CFAP70: variants seen among roughly 807,000 people sequenced by gnomAD.
CFAP70 encodes the protein cilia and flagella associated protein 70, also known as cilia- and flagella-associated protein 70.
In CFAP70, 81 loss-of-function variants were observed where a neutral mutation model predicts 137.6. The ratio of observed to expected loss-of-function variants is 0.59; its 90% CI spans 0.49 to 0.71. The LOEUF (loss-of-function observed/expected upper bound fraction) is 0.71, where lower values mean the gene tolerates loss of function less well. Among genes scored for constraint, CFAP70 ranks in the 30% least tolerant of loss-of-function variants. The probability of loss-of-function intolerance (pLI) is 0.00; values close to 1 mark genes in which losing one functional copy is unlikely to be tolerated. For synonymous variants in CFAP70, 382 were observed against 423.6 expected, an observed-to-expected ratio of 0.90 and a Z score of 1.20; for missense variants, 976 against 1,226.7, an observed-to-expected ratio of 0.80 and a Z score of 3.05.
intron 12 of CFAP70, among the ~76,000 whole-genome samples, chr10:73,301,200 G>C (rs189080867): frequency 4.3e-4 from 66 of 152,268 alleles, no homozygotes; most frequent in Non-Finnish European, 7.9e-4. Flanking sequence ...ACATAGTTTG[G>C]ATATTTGTCC....
At chr10:73,276,286 T>A (rs2131749593) in intron 21 of CFAP70, 1 of 152,276 alleles carries the variant, frequency 6.6e-6, no homozygotes, top group Non-Finnish European at 1.5e-5. Flanking sequence ...CCTACAAAAT[T>A]AACAAAGTTA....
At chr10:73,349,655 T>C (rs946034488) in intron 3 of CFAP70, among the ~76,000 whole-genome samples, 2 of 151,934 alleles carry the variant, frequency 1.3e-5, no homozygotes, top group Non-Finnish European at 2.9e-5. Context: ...GCATGCAGAG[T>C]ATGTACAAGG....
intron 1 of CFAP70, among the ~76,000 whole-genome samples, chr10:73,356,364 A>G (rs1330956415): frequency 2.0e-5 from 3 of 152,016 alleles, no homozygotes; most frequent in Non-Finnish European, 4.4e-5. Flanking sequence ...ACGCCCAGCT[A>G]ATTTTTGTAT....
chr10:73,329,654 CAACAAT>C (rs994561070), intron 8 of CFAP70, among the ~76,000 whole-genome samples: 1 of 152,030 alleles, frequency 6.6e-6, no homozygotes, highest in Non-Finnish European at 1.5e-5. Flanking sequence ...TTATAAAAAA[CAACAAT>C]AACAATAACA....
rs758381869 is a variant in CFAP70, at chr10:73,322,953, T to C, written c.912+10A>G. On this transcript the variant is annotated intron_variant, in intron 9 of 26. Coordinates refer to ENST00000310715, the Ensembl canonical transcript of CFAP70. ...ATTACCATGATGATTTTTATGCAAT[T>C]TTTTCTTACCTTTTCATGGACTACA... 6.3e-7 allele frequency: 1 copy of C among 1,576,514 alleles called. No homozygotes were observed. Among genetic ancestry groups the C allele is most frequent in the Non-Finnish European group, 8.6e-7 (1 of 1,166,214 alleles).
At chr10:73,362,526 T>TTGTTC (rs2055052486), upstream of CFAP70, among the ~76,000 whole-genome samples, 1 of 152,152 alleles carries the variant, frequency 6.6e-6, no homozygotes, top group African/African-American at 2.4e-5. Flanking sequence ...GGTTTTTGTT[T>TTGTTC]TGTTTTTTGT....
rs759087268 is a variant in CFAP70 at position 73,312,636 on chromosome 10, C to T, written c.920G>A (p.Cys307Tyr). The change falls in exon 10 of 27, where the codon TGT (cysteine) becomes TAT (tyrosine). Residue 307 changes from cysteine to tyrosine, a missense_variant. Physicochemically the swap from Cys to Tyr is radical, Grantham distance 194. Transcript: ENST00000310715. ...AATATCCCGGAACAAGCTCAATAAA[C>T]ATTTGGTCTGAAAAACAAAAAAACA... 2.6e-6 allele frequency: 4 copies of T among 1,561,670 alleles called. No individual in the cohort carries two copies. The highest frequency in any genetic ancestry group is 3.5e-6 in the Non-Finnish European group (4 of 1,159,092).
At chr10:73,361,663 T>G (rs914055492), upstream of CFAP70, among the ~76,000 whole-genome samples, 2 of 152,162 alleles carry the variant, frequency 1.3e-5, no homozygotes, top group Non-Finnish European at 2.9e-5. Flanking sequence ...TAGTCTGAGT[T>G]TCAAAGGCCT....
At chr10:73,303,024 G>A (rs1435387526) in intron 12 of CFAP70, among the ~76,000 whole-genome samples, 1 of 151,140 alleles carries the variant, frequency 6.6e-6, no homozygotes, top group East Asian at 1.9e-4. Context: ...CCACCACCGG[G>A]TAGCTCGGAC....
chr10:73,312,398 T>C (rs920182731), intron 10 of CFAP70, 75 bp downstream of exon 11: 13 of 1,087,152 alleles, frequency 1.2e-5, no homozygotes, highest in Non-Finnish European at 1.4e-5. Flanking sequence ...TTGATACCAG[T>C]CACCAAGTGA....
At chr10:73,254,055 G>A (rs2044213955) in exon 27 of CFAP70, 1 of 1,588,110 alleles carries the variant, frequency 6.3e-7, no homozygotes, top group Admixed American at 1.7e-5. Flanking sequence ...TTCAATTTCA[G>A]CTACATGAAA....
At chr10:73,327,999 T>A (rs1041817825) in intron 8 of CFAP70, among the ~76,000 whole-genome samples, 12 of 152,060 alleles carry the variant, frequency 7.9e-5, no homozygotes, top group Admixed American at 3.9e-4. Context: ...TTTAAAGTTG[T>A]TATGGAACCA....
At chr10:73,290,735 CTA>C (rs1295757156) in intron 19 of CFAP70, among the ~76,000 whole-genome samples, 6 of 151,886 alleles carry the variant, frequency 4.0e-5, no homozygotes, top group African/African-American at 7.3e-5. Flanking sequence ...GAGAGGGACT[CTA>C]TGTGGTAGAG....
chr10:73,255,326 C>T (rs1024878909), intron 26 of CFAP70, among the ~76,000 whole-genome samples: 7 of 151,940 alleles, frequency 4.6e-5, no homozygotes, highest in African/African-American at 1.7e-4. Context: ...ACCCGGGAGG[C>T]GGAGCTTGCA....
chr10:73,325,476 A>G (rs1482558080), intron 8 of CFAP70, among the ~76,000 whole-genome samples: 1 of 152,232 alleles, frequency 6.6e-6, no homozygotes, highest in African/African-American at 2.4e-5. Context: ...GATCAAGTTC[A>G]CACATAACAA....
intron 6 of CFAP70, among the ~76,000 whole-genome samples, chr10:73,339,256 C>A (rs550551245): frequency 2.2e-4 from 33 of 152,258 alleles, no homozygotes; most frequent in African/African-American, 7.9e-4. Flanking sequence ...TGAGCCAGTC[C>A]TTCTGAAGTC....
At chr10:73,264,297 G>A (rs1347661808) in intron 25 of CFAP70, among the ~76,000 whole-genome samples, 1 of 152,092 alleles carries the variant, frequency 6.6e-6, no homozygotes, top group African/African-American at 2.4e-5. Flanking sequence ...TAGAAACCAA[G>A]ACCTGAGCAT....
At chr10:73,285,893 C>T (rs1007123458) in intron 19 of CFAP70, among the ~76,000 whole-genome samples, 2 of 151,952 alleles carry the variant, frequency 1.3e-5, no homozygotes, top group African/African-American at 2.4e-5. Flanking sequence ...TCTCAGCCTC[C>T]GAAAGTGCTG....
intron 12 of CFAP70, among the ~76,000 whole-genome samples, chr10:73,302,727 T>C (rs1043325506): frequency 6.6e-6 from 1 of 152,184 alleles, no homozygotes; most frequent in African/African-American, 2.4e-5. Flanking sequence ...TTTAGTTTCT[T>C]TTCATATGTT....
Sources: allele counts gnomAD v4.1 joint callset (sites outside exome capture counted in the v4.1 genomes callset), GRCh38; gene constraint gnomAD v4.1.1; transcripts MANE v1.5; gene names NCBI Gene and HGNC (gene_info 2026-07-23, HGNC 2026-07-21).